The following DCDC2 variants were observed in gnomAD, a reference collection of about 807,000 sequenced individuals.
DCDC2 encodes doublecortin domain containing 2, also known as doublecortin domain-containing protein 2.
A neutral mutation model predicts 50.2 loss-of-function variants in DCDC2; 40 were observed. That is an observed-to-expected ratio of 0.80 (90% CI 0.62 to 1.04). The LOEUF is 1.04. DCDC2 is among the 50% of genes least tolerant of loss of function. The pLI is 0.00. For synonymous variants in DCDC2, 234 were observed against 210.6 expected (o/e 1.11, Z -0.96); for missense variants, 570 against 581.9 (o/e 0.98, Z 0.21).
At chr6:24,341,201 C>T (rs958475635) in intron 2 of DCDC2, among the ~76,000 whole-genome samples, 5 of 152,284 alleles carry the variant, frequency 3.3e-5, no homozygotes, top group African/African-American at 1.2e-4. Context: ...CTAGAGAGAA[C>T]AGTTCCAGGT....
Position 24,327,453 on chromosome 6 carries a change from CTTAT to C in DCDC2, c.349-25413_349-25410del, listed in dbSNP as rs58552034. Among the ~76,000 whole-genome samples the C allele has an allele frequency of 2.7e-4, 37 of 136,690 alleles. 4 individuals are homozygous for C. Among genetic ancestry groups the C allele is most frequent in the East Asian group, 2.4e-3 (9 of 3,798 alleles). 89.7% of individuals were successfully genotyped at this position (136,690 alleles called of 152,430 possible). A position where few individuals can be genotyped will look rare whatever the true frequency, so the allele number is the denominator to read the frequency against. On this transcript the variant is annotated intron_variant, in intron 2 of 9. Transcript: ENST00000378454. ...ACTTTTAGTCAATCAACATTATAAA[CTTAT>C]TTATTTATTTATTTATTTATTTATT...
intron 7 of DCDC2, among the ~76,000 whole-genome samples, chr6:24,258,346 C>T (rs1762937937): frequency 6.6e-6 from 1 of 152,130 alleles, no homozygotes; most frequent in South Asian, 2.1e-4. Flanking sequence ...TTTTACAGAG[C>T]ACTGATTGGT....
intron 8 of DCDC2, among the ~76,000 whole-genome samples, chr6:24,198,971 T>C (rs1761512696): frequency 6.6e-6 from 1 of 152,136 alleles, no homozygotes; most frequent in Admixed American, 6.5e-5. Flanking sequence ...TCCTCCTCTC[T>C]GGGTAGGGCA....
intron 2 of DCDC2, among the ~76,000 whole-genome samples, chr6:24,343,514 T>A (rs1760199968): frequency 6.6e-6 from 1 of 152,254 alleles, no homozygotes; most frequent in African/African-American, 2.4e-5. Flanking sequence ...GTTCCTCTGA[T>A]TTCACCAGAA....
chr6:24,300,809 C>T (rs1002741970), intron 4 of DCDC2, among the ~76,000 whole-genome samples: 2 of 152,044 alleles, frequency 1.3e-5, no homozygotes, highest in East Asian at 1.9e-4. Context: ...TCCCATCTGA[C>T]GGAAAATAAA....
intron 8 of DCDC2, among the ~76,000 whole-genome samples, chr6:24,203,472 T>G (rs1238914736): frequency 6.6e-6 from 1 of 152,116 alleles, no homozygotes; most frequent in Non-Finnish European, 1.5e-5. Flanking sequence ...TTACATCTTA[T>G]AGAAAAATTA....
At chr6:24,293,200 T>A (rs4712817) in intron 4 of DCDC2, among the ~76,000 whole-genome samples, 79,621 of 152,134 alleles carry the variant, frequency 0.52, 25,373 homozygotes, top group East Asian at 0.79. Flanking sequence ...GTGCTGGGAT[T>A]ACAGACGTGA....
At chr6:24,249,499 T>C (rs749392963) in intron 7 of DCDC2, among the ~76,000 whole-genome samples, 2 of 152,238 alleles carry the variant, frequency 1.3e-5, no homozygotes, top group Non-Finnish European at 2.9e-5. Context: ...AATGTAGCTT[T>C]TGATAATTTC....
At chr6:24,190,122 A>G (rs1761284475) in intron 8 of DCDC2, among the ~76,000 whole-genome samples, 1 of 151,860 alleles carries the variant, frequency 6.6e-6, no homozygotes, top group African/African-American at 2.4e-5. Flanking sequence ...AAAGACCTAC[A>G]AAAAGGGTGG....
chr6:24,370,099 A>T, the DCDC2 span, among the ~76,000 whole-genome samples: 2 of 152,198 alleles, frequency 1.3e-5, no homozygotes, highest in African/African-American at 2.4e-5. Context: ...AATGGGTTAA[A>T]TGCATCAAGT....
chr6:24,182,631 A>AAAAAAAAAAAAAAC (rs1761099842), intron 8 of DCDC2, among the ~76,000 whole-genome samples: 1 of 149,320 alleles, frequency 6.7e-6, no homozygotes, highest in Non-Finnish European at 1.5e-5. Context: ...GATGACAAGA[A>AAAAAAAAAAAAAAC]AAAAAAAAAA....
chr6:24,220,076 C>T (rs1234166565), intron 7 of DCDC2, among the ~76,000 whole-genome samples: 2 of 152,220 alleles, frequency 1.3e-5, no homozygotes, highest in African/African-American at 2.4e-5. Context: ...CTACCCATCG[C>T]TCCTTTTCTT....
intron 7 of DCDC2, among the ~76,000 whole-genome samples, chr6:24,257,103 G>C (rs1262485586): frequency 6.6e-6 from 1 of 152,068 alleles, no homozygotes; most frequent in Non-Finnish European, 1.5e-5. Flanking sequence ...TGCTTACACA[G>C]ATATATATCT....
chr6:24,180,463 G>A (rs997970792), intron 8 of DCDC2, among the ~76,000 whole-genome samples: 4 of 151,782 alleles, frequency 2.6e-5, no homozygotes, highest in East Asian at 1.9e-4. Flanking sequence ...TTTTTTGTGT[G>A]TTTTTTAGTG....
At chr6:24,333,334 G>A (rs771408359) in intron 2 of DCDC2, among the ~76,000 whole-genome samples, 2 of 152,128 alleles carry the variant, frequency 1.3e-5, no homozygotes, top group African/African-American at 2.4e-5. Flanking sequence ...AAAAGGAAGT[G>A]TTAGACTGTG....
intron 7 of DCDC2, among the ~76,000 whole-genome samples, chr6:24,221,359 C>T (rs185833611): frequency 6.6e-6 from 1 of 152,282 alleles, no homozygotes; most frequent in East Asian, 1.9e-4. Flanking sequence ...TCTTCTCTGT[C>T]CCCAGAGCTC....
At chr6:24,342,658 C>A (rs537577431) in intron 2 of DCDC2, among the ~76,000 whole-genome samples, 1 of 151,910 alleles carries the variant, frequency 6.6e-6, no homozygotes, top group African/African-American at 2.4e-5. Context: ...AGGTATCACT[C>A]TTTCTCCTTC....
intron 1 of DCDC2, among the ~76,000 whole-genome samples, chr6:24,353,901 GCTTA>G (rs904493372): frequency 3.6e-4 from 55 of 152,276 alleles, no homozygotes; most frequent in African/African-American, 1.2e-3. Flanking sequence ...ATAGTTAGCT[GCTTA>G]CTATATACAC....
chr6:24,335,626 A>AC (rs150199806), intron 2 of DCDC2, among the ~76,000 whole-genome samples: 3,547 of 152,210 alleles, frequency 0.023, 96 homozygotes, highest in African/African-American at 0.071. Flanking sequence ...TAAAGATACT[A>AC]CCCAAAACTA....
Sources: gnomAD v4.1 joint callset for allele counts (sites outside exome capture counted in the v4.1 genomes callset) on GRCh38, gnomAD v4.1.1 for gene constraint, MANE v1.5 for transcripts, NCBI Gene and HGNC (gene_info 2026-07-23, HGNC 2026-07-21) for gene names.